The following ZZZ3 variants were observed in gnomAD, a reference collection of about 807,000 sequenced individuals.
The protein encoded by ZZZ3 is ZZ-type zinc finger-containing protein 3.
A neutral mutation model predicts 95.2 loss-of-function variants in ZZZ3; 22 were observed. The ratio of observed to expected loss-of-function variants is 0.23; its 90% CI spans 0.17 to 0.33. The LOEUF is 0.33. Ranked by LOEUF, ZZZ3 falls within the 10% of genes least tolerant of loss-of-function variation. The pLI, the probability that ZZZ3 is intolerant of heterozygous loss-of-function variation, is 1.00. For missense variants in ZZZ3, 885 were observed against 1,066.5 expected (o/e 0.83, Z 2.37); for synonymous variants, 335 against 358.9 (o/e 0.93, Z 0.75).
Position 77,563,817 on chromosome 1 carries a change from G to A in ZZZ3, c.*1823C>T, listed in dbSNP as rs1053849427. The stretch of plus-strand genomic sequence containing the variant: ...TTCCAGGGTGAGAAGTTAAGCTCAA[G>A]TCCATTTACTTTCCTTCTGTTATGA... On this transcript the variant is annotated 3_prime_UTR_variant, in exon 15 of 15. Coordinates refer to ENST00000370801, the MANE Select transcript of ZZZ3 (RefSeq NM_015534.6). 1 of 151,984 alleles carries A rather than the reference G, an allele frequency of 6.6e-6. No homozygotes were observed. Among genetic ancestry groups the A allele is most frequent in the African/African-American group, 2.4e-5 (1 of 41,382 alleles). The allele number at this position is 151,984 out of a possible 1,614,324, so 9.4% of individuals were successfully genotyped here. A position where few individuals can be genotyped will look rare whatever the true frequency, so the allele number is the denominator to read the frequency against.
chr1:77,603,775 TA>T (rs957150660), intron 5 of ZZZ3, among the ~76,000 whole-genome samples: 11 of 151,008 alleles, frequency 7.3e-5, no homozygotes, highest in African/African-American at 2.2e-4. Context: ...AAGAGCTTCT[TA>T]AAAAAAAAGA....
intron 1 of ZZZ3, among the ~76,000 whole-genome samples, chr1:77,650,438 G>C (rs952129198): frequency 7.2e-5 from 11 of 152,086 alleles, no homozygotes; most frequent in African/African-American, 2.7e-4. Context: ...AATTAAATCA[G>C]AAATCAGTGA....
intron 1 of ZZZ3, among the ~76,000 whole-genome samples, chr1:77,642,505 A>G (rs984711767): frequency 2.0e-5 from 3 of 152,060 alleles, no homozygotes; most frequent in Non-Finnish European, 2.9e-5. Flanking sequence ...GCACTTTGGG[A>G]GGCCAAGACA....
intron 4 of ZZZ3, among the ~76,000 whole-genome samples, chr1:77,638,190 A>C (rs576913688): frequency 6.6e-6 from 1 of 152,136 alleles, no homozygotes; most frequent in Non-Finnish European, 1.5e-5. Context: ...CTTGGAGGCC[A>C]TATCTGAGAA....
At chr1:77,643,265 C>T (rs546850377) in intron 1 of ZZZ3, among the ~76,000 whole-genome samples, 1 of 152,110 alleles carries the variant, frequency 6.6e-6, no homozygotes, top group African/African-American at 2.4e-5. Context: ...ATTAAACTAG[C>T]CAAAACTCTT....
At chr1:77,658,130 G>A (rs1670441777) in intron 1 of ZZZ3, among the ~76,000 whole-genome samples, 1 of 133,954 alleles carries the variant, frequency 7.5e-6, no homozygotes, top group South Asian at 2.5e-4. Flanking sequence ...GGCGAGCTGA[G>A]ATTACGCCAC....
intron 1 of ZZZ3, among the ~76,000 whole-genome samples, chr1:77,646,292 T>C (rs889740424): frequency 2.0e-5 from 3 of 152,024 alleles, no homozygotes; most frequent in Non-Finnish European, 4.4e-5. Context: ...CAATCACCAC[T>C]CACTGCAGCC....
At chr1:77,606,241 G>A (rs1338701329) in intron 5 of ZZZ3, among the ~76,000 whole-genome samples, 1 of 152,224 alleles carries the variant, frequency 6.6e-6, no homozygotes, top group African/African-American at 2.4e-5. Flanking sequence ...TGGCCATGGG[G>A]TGAGGCTCCT....
chr1:77,574,578 T>C (rs1389786805), intron 12 of ZZZ3, among the ~76,000 whole-genome samples: 2 of 152,100 alleles, frequency 1.3e-5, no homozygotes, highest in Non-Finnish European at 2.9e-5. Context: ...AAATACCATT[T>C]CCCAGTAAAA....
At chr1:77,674,053 TG>T (rs1672031412) in intron 1 of ZZZ3, among the ~76,000 whole-genome samples, 2 of 146,926 alleles carry the variant, frequency 1.4e-5, no homozygotes, top group Non-Finnish European at 3.0e-5. Context: ...AAGCCATCAG[TG>T]ACATAAATTT....
chr1:77,640,136 A>G (rs1195860055), intron 3 of ZZZ3, among the ~76,000 whole-genome samples: 3 of 152,152 alleles, frequency 2.0e-5, no homozygotes, highest in African/African-American at 7.2e-5. Flanking sequence ...TTACAAAAGG[A>G]CATTTCTATT....
chr1:77,615,606 A>T (rs990689899), intron 5 of ZZZ3, among the ~76,000 whole-genome samples: 2 of 152,264 alleles, frequency 1.3e-5, no homozygotes, highest in African/African-American at 4.8e-5. Context: ...CACTACTTAT[A>T]ATTTTATTTT....
At chr1:77,601,057 G>C (rs1188327595) in intron 5 of ZZZ3, among the ~76,000 whole-genome samples, 1 of 152,158 alleles carries the variant, frequency 6.6e-6, no homozygotes, top group Non-Finnish European at 1.5e-5. Flanking sequence ...GACCAATTAA[G>C]GAGCTGTTGT....
chr1:77,620,105 A>G (rs1174032581), intron 5 of ZZZ3, among the ~76,000 whole-genome samples: 1 of 152,202 alleles, frequency 6.6e-6, no homozygotes, highest in Non-Finnish European at 1.5e-5. Context: ...AAGATTTCTC[A>G]GAGAATATGA....
rs879139175 is a variant in ZZZ3 at position 77,639,403 on chromosome 1, A to C, written c.-52+46T>G. 40 of 1,442,962 alleles carry C rather than the reference A, an allele frequency of 2.8e-5. No homozygotes were observed. The South Asian group carries it at 3.9e-4, about 14-fold the overall frequency. 89.4% of individuals were successfully genotyped at this position (1,442,962 alleles called of 1,614,324 possible). ...ATCTCAAAAAAAAAAAAGAAGAAGAAGTCAAACTATAGCTGTCTTCACTAC... is the reference window on the plus strand; with the variant it reads ...ATCTCAAAAAAAAAAAAGAAGAAGACGTCAAACTATAGCTGTCTTCACTAC... On this transcript the variant is annotated intron_variant, in intron 4 of 14. Transcript: ENST00000370801.
At chr1:77,655,289 G>C (rs945261987) in intron 1 of ZZZ3, among the ~76,000 whole-genome samples, 2 of 152,064 alleles carry the variant, frequency 1.3e-5, no homozygotes, top group Non-Finnish European at 2.9e-5. Flanking sequence ...GTTTTGGATG[G>C]GACATTCAAA....
At chr1:77,647,804 A>G (rs1385374731) in intron 1 of ZZZ3, among the ~76,000 whole-genome samples, 1 of 152,178 alleles carries the variant, frequency 6.6e-6, no homozygotes, top group Non-Finnish European at 1.5e-5. Context: ...CCTACTAGCC[A>G]CAGTAGACAA....
intron 5 of ZZZ3, among the ~76,000 whole-genome samples, chr1:77,596,561 C>T (rs201335511): frequency 6.6e-6 from 1 of 152,052 alleles, no homozygotes; most frequent in East Asian, 1.9e-4. Context: ...ATAAAAGAAT[C>T]TGACTATATT....
intron 4 of ZZZ3, among the ~76,000 whole-genome samples, chr1:77,639,049 A>G (rs1668537489): frequency 1.3e-5 from 2 of 149,252 alleles, no homozygotes; most frequent in African/African-American, 4.9e-5. Context: ...AGAGAAACTG[A>G]TATATGACAG....
Sources: allele counts gnomAD v4.1 joint callset (sites outside exome capture counted in the v4.1 genomes callset), GRCh38; gene constraint gnomAD v4.1.1; transcripts MANE v1.5; gene names NCBI Gene and HGNC (gene_info 2026-07-23, HGNC 2026-07-21).